Variants in RGL1 observed in about 807,000 individuals in gnomAD.
The protein encoded by RGL1 is ral guanine nucleotide dissociation stimulator like 1.
Under a neutral mutation model 95.2 loss-of-function variants are expected in RGL1, and 24 were observed. That is an observed-to-expected ratio of 0.25 (90% CI 0.18 to 0.35). The LOEUF is 0.35. Among genes scored for constraint, RGL1 ranks in the 10% least tolerant of loss-of-function variants. The pLI is 1.00. For synonymous variants in RGL1, 329 were observed against 344.9 expected, an observed-to-expected ratio of 0.95 and a Z score of 0.51; for missense variants, 715 against 936.3, an observed-to-expected ratio of 0.76 and a Z score of 3.08.
intron 2 of RGL1, among the ~76,000 whole-genome samples, chr1:183,798,829 T>C (rs1660829367): frequency 2.0e-5 from 3 of 151,742 alleles, no homozygotes; most frequent in Admixed American, 2.0e-4. Flanking sequence ...TTTATTTCAC[T>C]TAGTATGTAT....
chr1:183,877,061 A>AG (rs916731215), intron 4 of RGL1, among the ~76,000 whole-genome samples: 1 of 152,158 alleles, frequency 6.6e-6, no homozygotes, highest in African/African-American at 2.4e-5. Flanking sequence ...TTCCCCAGAG[A>AG]GGGGGGTCAG....
chr1:183,833,949 G>A (rs1663444536), intron 2 of RGL1, among the ~76,000 whole-genome samples: 1 of 141,446 alleles, frequency 7.1e-6, no homozygotes, highest in African/African-American at 2.7e-5. Context: ...GATGAAATGA[G>A]CCATATCTCT....
intron 1 of RGL1, among the ~76,000 whole-genome samples, chr1:183,691,741 T>G (rs1010224415): frequency 1.3e-5 from 2 of 152,202 alleles, no homozygotes; most frequent in Non-Finnish European, 2.9e-5. Flanking sequence ...TTCAGTTTAA[T>G]TGGAGGACCT....
intron 2 of RGL1, among the ~76,000 whole-genome samples, chr1:183,841,581 C>T (rs1664064224): frequency 6.6e-6 from 1 of 152,208 alleles, no homozygotes; most frequent in South Asian, 2.1e-4. Flanking sequence ...AGCTTGACAT[C>T]ATGGGCCCTA....
rs181249472 is a variant in RGL1, at chr1:183,902,475, C to T, written c.1318-93C>T. 1,178 of 920,378 alleles carry T rather than the reference C, an allele frequency of 1.3e-3. 12 individuals are homozygous for T. In the African/African-American group the frequency reaches 0.017, roughly 13 times the overall value. The allele number at this position is 920,378 out of a possible 1,614,324, so 57.0% of individuals were successfully genotyped here. ...TCATTGATAATTGTGACTTTATCAC[C>T]CCTTTGATCTATTTTAATGTGACCT... On this transcript the variant is annotated intron_variant, in intron 11 of 17. Coordinates refer to ENST00000360851, the MANE Select transcript of RGL1 (RefSeq NM_001297671.3).
At chr1:183,649,708 G>A (rs1263006201) in intron 1 of RGL1, among the ~76,000 whole-genome samples, 1 of 152,152 alleles carries the variant, frequency 6.6e-6, no homozygotes, top group Non-Finnish European at 1.5e-5. Flanking sequence ...CAAATTAGTA[G>A]TTTCTGGGAT....
intron 2 of RGL1, among the ~76,000 whole-genome samples, chr1:183,758,576 G>A (rs1321416302): frequency 6.6e-6 from 1 of 152,130 alleles, no homozygotes; most frequent in Non-Finnish European, 1.5e-5. Flanking sequence ...GTTCTGGTGA[G>A]GTTCCTTCTC....
intron 11 of RGL1, among the ~76,000 whole-genome samples, chr1:183,901,667 C>T (rs1427504188): frequency 6.6e-6 from 1 of 151,990 alleles, no homozygotes; most frequent in African/African-American, 2.4e-5. Context: ...CTCTCTCTCT[C>T]TCTGTCCCCT....
intron 15 of RGL1, among the ~76,000 whole-genome samples, chr1:183,915,339 A>C (rs1023331626): frequency 1.3e-5 from 2 of 152,224 alleles, no homozygotes; most frequent in African/African-American, 2.4e-5. Context: ...GAAATTCTTT[A>C]TAATTTTCTA....
At chr1:183,842,187 A>G (rs961928494) in intron 2 of RGL1, among the ~76,000 whole-genome samples, 1 of 152,182 alleles carries the variant, frequency 6.6e-6, no homozygotes, top group Non-Finnish European at 1.5e-5. Flanking sequence ...TTTGCTGCTC[A>G]GGCCAAGATG....
At chr1:183,857,018 G>C (rs1665194399) in intron 3 of RGL1, among the ~76,000 whole-genome samples, 1 of 152,130 alleles carries the variant, frequency 6.6e-6, no homozygotes, top group South Asian at 2.1e-4. Flanking sequence ...ATATGCAAAG[G>C]GGAATTGAGG....
intron 2 of RGL1, among the ~76,000 whole-genome samples, chr1:183,782,356 G>C (rs1434562689): frequency 1.3e-5 from 2 of 152,200 alleles, no homozygotes; most frequent in African/African-American, 4.8e-5. Flanking sequence ...ACTTCTAAAG[G>C]AAACTCAGTG....
At chr1:183,753,662 G>A (rs1182443683) in intron 2 of RGL1, among the ~76,000 whole-genome samples, 3 of 152,284 alleles carry the variant, frequency 2.0e-5, no homozygotes, top group Middle Eastern at 3.4e-3. Context: ...TTGTTTAAGG[G>A]GGAAGTATTA....
intron 3 of RGL1, among the ~76,000 whole-genome samples, chr1:183,864,464 A>G (rs1665702674): frequency 6.6e-6 from 1 of 152,238 alleles, no homozygotes; most frequent in East Asian, 1.9e-4. Context: ...TCCTACTTAA[A>G]TAAACCACCA....
intron 14 of RGL1, among the ~76,000 whole-genome samples, chr1:183,907,388 G>A (rs1347329601): frequency 1.5e-5 from 2 of 137,704 alleles, no homozygotes; most frequent in Non-Finnish European, 3.3e-5. Flanking sequence ...CCACTAAATA[G>A]CTAGGTTGTC....
At chr1:183,639,795 C>T (rs1649799016) in intron 1 of RGL1, among the ~76,000 whole-genome samples, 2 of 150,362 alleles carry the variant, frequency 1.3e-5, no homozygotes, top group Middle Eastern at 7.1e-3. Context: ...ACAGCTGTGG[C>T]AAGCTACATA....
chr1:183,900,795 C>G (rs1667971266), intron 11 of RGL1, among the ~76,000 whole-genome samples: 1 of 152,082 alleles, frequency 6.6e-6, no homozygotes, highest in Non-Finnish European at 1.5e-5. Flanking sequence ...CGTTGAGCCA[C>G]TGCACCCGGC....
chr1:183,737,582 C>A (rs956441621), intron 1 of RGL1, among the ~76,000 whole-genome samples: 907 of 117,898 alleles, frequency 7.7e-3, no homozygotes, highest in African/African-American at 8.4e-3. Context: ...TCTATCTCTA[C>A]AAAAAAAAAA....
chr1:183,737,661 C>T (rs1284261700), intron 1 of RGL1, among the ~76,000 whole-genome samples: 1 of 151,712 alleles, frequency 6.6e-6, no homozygotes, highest in East Asian at 1.9e-4. Flanking sequence ...CATCTTTCTT[C>T]CATCCCACCT....
Sources: allele counts gnomAD v4.1 joint callset (sites outside exome capture counted in the v4.1 genomes callset), GRCh38; gene constraint gnomAD v4.1.1; transcripts MANE v1.5; gene names NCBI Gene and HGNC (gene_info 2026-07-23, HGNC 2026-07-21).